CLASP2: variants seen among roughly 807,000 people sequenced by gnomAD.
CLASP2 encodes CLIP-associating protein 2.
In CLASP2, 47 loss-of-function variants were observed where a neutral mutation model predicts 194.4. The observed-to-expected ratio is 0.24, with a 90% CI of 0.19 to 0.31. CLASP2 has a LOEUF of 0.31. Ranked by LOEUF, CLASP2 falls within the 10% of genes least tolerant of loss-of-function variation. The pLI, the probability that CLASP2 is intolerant of heterozygous loss-of-function variation, is 1.00. For missense variants in CLASP2, 1,445 were observed against 1,823.6 expected (o/e 0.79, Z 3.78); for synonymous variants, 619 against 633.5 (o/e 0.98, Z 0.34).
intron 1 of CLASP2, among the ~76,000 whole-genome samples, chr3:33,707,011 G>A (rs902367845): frequency 5.9e-5 from 9 of 152,102 alleles, no homozygotes; most frequent in African/African-American, 2.2e-4. Flanking sequence ...ATCTAACTCT[G>A]TCCATTGAAT....
At chr3:33,588,471 C>T (rs193107262) in intron 21 of CLASP2, among the ~76,000 whole-genome samples, 1 of 152,226 alleles carries the variant, frequency 6.6e-6, no homozygotes, top group African/African-American at 2.4e-5. Flanking sequence ...ACAAAAGCTC[C>T]TGTTTCTTTT....
intron 7 of CLASP2, among the ~76,000 whole-genome samples, chr3:33,657,058 T>C (rs1355711708): frequency 6.6e-6 from 1 of 152,206 alleles, no homozygotes; most frequent in African/African-American, 2.4e-5. Context: ...TTGCTTTACC[T>C]TCATTGTTTG....
chr3:33,546,113 T>C (rs12637850), intron 30 of CLASP2, among the ~76,000 whole-genome samples: 39,534 of 152,048 alleles, frequency 0.26, 5,727 homozygotes, highest in Admixed American at 0.38. Context: ...CTTGAGCAAA[T>C]GAACTAGTAA....
At chr3:33,652,633 A>C (rs987384690) in intron 7 of CLASP2, among the ~76,000 whole-genome samples, 1 of 152,006 alleles carries the variant, frequency 6.6e-6, no homozygotes, top group South Asian at 2.1e-4. Flanking sequence ...TATGCTGACA[A>C]CTCTCAAATG....
chr3:33,694,564 T>C (rs2091677256), intron 2 of CLASP2, among the ~76,000 whole-genome samples: 1 of 152,134 alleles, frequency 6.6e-6, no homozygotes, highest in African/African-American at 2.4e-5. Flanking sequence ...TATTCCAACC[T>C]TACCATATCA....
intron 24 of CLASP2, among the ~76,000 whole-genome samples, chr3:33,575,264 G>A (rs984401325): frequency 3.3e-5 from 5 of 152,080 alleles, no homozygotes; most frequent in African/African-American, 9.7e-5. Flanking sequence ...AATGGTTAGC[G>A]CAGAACTACA....
chr3:33,543,344 G>T, intron 32 of CLASP2, 89 bp downstream of exon 32: 4 of 883,976 alleles, frequency 4.5e-6, no homozygotes, highest in Non-Finnish European at 7.4e-6. Flanking sequence ...CCACACTCCA[G>T]CCTGGGCGAC....
chr3:33,640,297 A>G (rs2081038070), intron 8 of CLASP2, among the ~76,000 whole-genome samples: 1 of 152,318 alleles, frequency 6.6e-6, no homozygotes, highest in South Asian at 2.1e-4. Flanking sequence ...TGATGGGAAA[A>G]ATGGGAATAA....
intron 34 of CLASP2, among the ~76,000 whole-genome samples, chr3:33,518,941 A>G (rs747343994): frequency 1.3e-5 from 2 of 152,222 alleles, no homozygotes; most frequent in Non-Finnish European, 2.9e-5. Context: ...AAGTGAAAAG[A>G]ACATAGGCTC....
At chr3:33,547,353 C>T (rs1416514710) in intron 30 of CLASP2, among the ~76,000 whole-genome samples, 5 of 152,212 alleles carry the variant, frequency 3.3e-5, no homozygotes, top group Admixed American at 6.5e-5. Context: ...ACATTATTTG[C>T]TCTTCCTTGA....
At chr3:33,547,133 T>C (rs2059269450) in intron 30 of CLASP2, among the ~76,000 whole-genome samples, 1 of 152,252 alleles carries the variant, frequency 6.6e-6, no homozygotes, top group African/African-American at 2.4e-5. Flanking sequence ...GGTTTGGCTC[T>C]GTGTCCCCAC....
rs2063549572 is a variant in CLASP2 at position 33,570,607 on chromosome 3, G to A, written c.2763+120C>T. The A allele has an allele frequency of 6.5e-6, 8 of 1,232,592 alleles. No individual in the cohort carries two copies. The South Asian group carries it at 1.1e-4, about 17-fold the overall frequency. 76.4% of individuals were successfully genotyped at this position (1,232,592 alleles called of 1,614,324 possible). A position where few individuals can be genotyped will look rare whatever the true frequency, so the allele number is the denominator to read the frequency against. ...TATGATACCAAACAATTTTAATTATGCTTGAAAATATTACTGCCATTTTGG... is the reference window on the plus strand; with the variant it reads ...TATGATACCAAACAATTTTAATTATACTTGAAAATATTACTGCCATTTTGG... On this transcript the variant is annotated intron_variant, in intron 26 of 38. Transcript: ENST00000682230.
chr3:33,550,608 T>C (rs1001838294), intron 30 of CLASP2, among the ~76,000 whole-genome samples: 2 of 150,848 alleles, frequency 1.3e-5, no homozygotes, highest in African/African-American at 2.4e-5. Context: ...ATAATAGCCA[T>C]ACACATGTAG....
intron 6 of CLASP2, chr3:33,683,639 A>C (rs1379387003): frequency 6.6e-6 from 1 of 152,450 alleles, no homozygotes; most frequent in Non-Finnish European, 1.5e-5. Flanking sequence ...AATTTCAAAA[A>C]TTTGAACCTA....
rs74660951 is a variant in CLASP2 at position 33,567,640 on chromosome 3, G to A, written c.2764-906C>T. 2.5e-4 allele frequency among the ~76,000 whole-genome samples: 38 copies of A among 152,140 alleles called. 1 individual carries two copies. In the East Asian group the frequency reaches 7.3e-3, roughly 29 times the overall value. ...TTGATTTTTAAAAAACGTATATATG[G>A]TACTTGGTATGTTCTAAGGGTTTAC... On this transcript the variant is annotated intron_variant, in intron 26 of 38. Coordinates refer to ENST00000682230, the MANE Select transcript of CLASP2 (RefSeq NM_001365631.1).
At chr3:33,673,188 G>C (rs888891307) in intron 6 of CLASP2, among the ~76,000 whole-genome samples, 1 of 152,204 alleles carries the variant, frequency 6.6e-6, no homozygotes, top group African/African-American at 2.4e-5. Flanking sequence ...AGGGCAGCCA[G>C]AGAGAAAGGT....
intron 18 of CLASP2, chr3:33,602,519 T>C (rs1319240563): frequency 2.6e-6 from 2 of 760,114 alleles, no homozygotes; most frequent in Non-Finnish European, 4.8e-6. Flanking sequence ...AGTTTTGGAA[T>C]ATATGTTTAG....
At chr3:33,515,628 G>A (rs1406186999) in intron 36 of CLASP2, among the ~76,000 whole-genome samples, 5 of 152,020 alleles carry the variant, frequency 3.3e-5, no homozygotes, top group South Asian at 2.1e-4. Context: ...CAGCCTGGGC[G>A]ACAGAGTGAG....
chr3:33,541,454 T>C (rs945830209), intron 32 of CLASP2, among the ~76,000 whole-genome samples: 2 of 152,166 alleles, frequency 1.3e-5, no homozygotes, highest in Non-Finnish European at 2.9e-5. Context: ...TAGTGTCCAT[T>C]AATTATTTTT....
Sources: gnomAD v4.1 joint callset for allele counts (sites outside exome capture counted in the v4.1 genomes callset) on GRCh38, gnomAD v4.1.1 for gene constraint, MANE v1.5 for transcripts, NCBI Gene and HGNC (gene_info 2026-07-23, HGNC 2026-07-21) for gene names.